AHDC1: variants seen among roughly 807,000 people sequenced by gnomAD.
AHDC1 encodes AT-hook DNA binding motif containing 1.
In AHDC1, 7 loss-of-function variants were observed where a neutral mutation model predicts 87.9. The observed-to-expected ratio is 0.08, with a 90% CI of 0.05 to 0.15. The LOEUF (loss-of-function observed/expected upper bound fraction) is 0.15. AHDC1 is among the 10% of genes least tolerant of loss of function. The pLI is 1.00. For synonymous variants in AHDC1, 1,051 were observed against 1,006.8 expected, an observed-to-expected ratio of 1.04 and a Z score of -0.83; for missense variants, 1,841 against 2,253.2, an observed-to-expected ratio of 0.82 and a Z score of 3.70.
intron 3 of AHDC1, among the ~76,000 whole-genome samples, chr1:27,574,819 A>G (rs996485012): frequency 6.6e-6 from 1 of 152,182 alleles, no homozygotes; most frequent in East Asian, 1.9e-4. Flanking sequence ...CCCAAGCCAT[A>G]GTGCCAAGAG....
intron 7 of AHDC1, 166 bp downstream of exon 7, chr1:27,552,726 T>C (rs894167333): frequency 6.6e-5 from 10 of 152,580 alleles, no homozygotes; most frequent in African/African-American, 2.4e-4. Flanking sequence ...CTCATCCCCT[T>C]TGGGAATCTG....
Position 27,551,494 on chromosome 1 carries a change from G to A in AHDC1, c.622C>T (p.Pro208Ser). ...GGACTATGGCCTTGGCCAGGCTGGG[G>A]ACTGTCCCTAGGCTCAGGCTCAGGC... ...YEPEPEPRDS[P>S]QPGQGHSPGA... The change falls in exon 8 of 9, where the codon CCC becomes TCC. Residue 208 changes from proline to serine, a missense_variant. By Grantham distance (74) the Pro-to-Ser change is moderately conservative. Around this residue, in one of 13 missense-constraint regions of AHDC1, gnomAD observed 370 missense variants for 391.5 expected, o/e 0.95. Transcript: ENST00000673934. 6.2e-7 allele frequency: 1 copy of A among 1,607,192 alleles called. No individual in the cohort carries two copies.
intron 3 of AHDC1, among the ~76,000 whole-genome samples, chr1:27,566,300 G>A (rs1293465989): frequency 6.6e-6 from 1 of 152,028 alleles, no homozygotes; most frequent in Non-Finnish European, 1.5e-5. Context: ...TGGAGGGAGG[G>A]GGCGAGAGCC....
Position 27,584,421 on chromosome 1 carries a change from G to A in AHDC1, c.-629+18976C>T, listed in dbSNP as rs915193905. 3.9e-5 allele frequency among the ~76,000 whole-genome samples: 6 copies of A among 152,318 alleles called. No homozygotes were observed. The East Asian group carries it at 7.7e-4, about 20-fold the overall frequency. ...ATGCCATTATTATTTCCCCTCAACA[G>A]GTGAGGAAACTGAGGCTCAGAGAGG... On this transcript the variant is annotated intron_variant, in intron 3 of 8. Coordinates refer to ENST00000673934, the MANE Select transcript of AHDC1 (RefSeq NM_001371928.1).
chr1:27,538,304 G>A (rs544131673), intron 8 of AHDC1, among the ~76,000 whole-genome samples: 88 of 150,176 alleles, frequency 5.9e-4, no homozygotes, highest in African/African-American at 2.0e-3. Context: ...TCGGGAGGCC[G>A]AGGCATGAGA....
intron 3 of AHDC1, among the ~76,000 whole-genome samples, chr1:27,579,044 CTT>C (rs367554284): frequency 4.1e-4 from 54 of 133,192 alleles, no homozygotes; most frequent in Admixed American, 5.3e-4. Flanking sequence ...TGTTCTAAAT[CTT>C]TTTTTTTTTT....
intron 3 of AHDC1, among the ~76,000 whole-genome samples, chr1:27,580,624 C>A (rs1348093953): frequency 6.6e-6 from 1 of 152,206 alleles, no homozygotes; most frequent in Non-Finnish European, 1.5e-5. Flanking sequence ...TCTCTCTAGG[C>A]CTCCTCAGTT....
intron 8 of AHDC1, among the ~76,000 whole-genome samples, chr1:27,539,665 C>T (rs1396080223): frequency 2.0e-5 from 3 of 151,250 alleles, no homozygotes; most frequent in East Asian, 3.9e-4. Context: ...AGGCTGGTCT[C>T]GAACTCCTGA....
intron 5 of AHDC1, among the ~76,000 whole-genome samples, chr1:27,556,992 C>T (rs1333373684): frequency 2.0e-5 from 3 of 149,804 alleles, no homozygotes; most frequent in East Asian, 2.0e-4. Flanking sequence ...AGGGCCCCCC[C>T]ACAGCACAGC....
chr1:27,570,120 G>A (rs996274222), intron 3 of AHDC1, among the ~76,000 whole-genome samples: 23 of 151,810 alleles, frequency 1.5e-4, no homozygotes, highest in Non-Finnish European at 2.4e-4. Flanking sequence ...AGCTGGGCAT[G>A]CCAACCTTTC....
chr1:27,545,772 G>C (rs767413393), intron 8 of AHDC1, among the ~76,000 whole-genome samples: 1 of 151,402 alleles, frequency 6.6e-6, no homozygotes, highest in Admixed American at 6.6e-5. Context: ...TTGCTTCATT[G>C]TCTCTGCCAT....
chr1:27,580,899 A>AT (rs927116927), intron 3 of AHDC1, among the ~76,000 whole-genome samples: 4 of 151,848 alleles, frequency 2.6e-5, no homozygotes, highest in Non-Finnish European at 5.9e-5. Context: ...CAGTGGTGCC[A>AT]TCTCAGCTCA....
intron 3 of AHDC1, among the ~76,000 whole-genome samples, chr1:27,584,005 G>A (rs1296816550): frequency 1.3e-5 from 2 of 152,196 alleles, no homozygotes; most frequent in South Asian, 2.1e-4. Context: ...TGCAGTGACT[G>A]GAAACATGTC....
chr1:27,559,324 G>A lies in AHDC1; in HGVS notation c.-628-441C>T, dbSNP rs927743900. On this transcript the variant is annotated intron_variant, in intron 3 of 8. Transcript: ENST00000673934. ...TCCAGCCTCAGCCTCCCAAAGTGCT[G>A]GGATTGCAGGTATGAGCCACTGCAC... 7.9e-5 allele frequency among the ~76,000 whole-genome samples: 12 copies of A among 152,152 alleles called. 1 individual carries two copies. The highest frequency in any genetic ancestry group is 7.2e-4 in the Admixed American group (11 of 15,268).
Position 27,588,180 on chromosome 1 carries a change from C to T in AHDC1, c.-629+15217G>A, listed in dbSNP as rs111804593. ...CAGCATAACACACTTGATTCACTTT[C>T]AGGCTTTGCATATGCTATTCCCACT... On this transcript the variant is annotated intron_variant, in intron 3 of 8. Transcript: ENST00000673934. Among the ~76,000 whole-genome samples, 331 of 152,340 alleles carry T rather than the reference C, an allele frequency of 2.2e-3. 2 individuals carry two copies. The highest frequency in any genetic ancestry group is 7.7e-3 in the African/African-American group (321 of 41,576).
At chr1:27,564,074 C>T (rs571371380) in intron 3 of AHDC1, among the ~76,000 whole-genome samples, 1 of 152,256 alleles carries the variant, frequency 6.6e-6, no homozygotes, top group South Asian at 2.1e-4. Context: ...GCCCTTCTTC[C>T]TTACAAAGGC....
intron 3 of AHDC1, among the ~76,000 whole-genome samples, chr1:27,573,806 G>C (rs992493381): frequency 6.6e-6 from 1 of 152,228 alleles, no homozygotes; most frequent in Non-Finnish European, 1.5e-5. Context: ...TGAGTAAAGA[G>C]GTGTTCTGCC....
Position 27,548,122 on chromosome 1 carries a change from C to G in AHDC1, c.3994G>C (p.Ala1332Pro). The G allele has an allele frequency of 6.2e-7, 1 of 1,613,958 alleles. No homozygotes were observed. The highest frequency in any genetic ancestry group is 1.1e-5 in the South Asian group (1 of 91,090). ...GGGTCTCGCTCTCCCACGCCGAAGG[C>G]CCTCGACTGTGAGGGCAGTGGTGAC... ...SMSPLPSQSRAFGVGERDPCD... is the reference protein window; with the variant it reads ...SMSPLPSQSRPFGVGERDPCD... The change falls in exon 8 of 9, where the codon GCC becomes CCC. Residue 1332 changes from alanine to proline, a missense_variant. This residue lies in a region of AHDC1 where 505 missense variants were observed against 626.2 expected (regional missense o/e 0.81). Transcript: ENST00000673934.
intron 3 of AHDC1, among the ~76,000 whole-genome samples, chr1:27,583,755 T>G (rs60872422): frequency 2.0e-5 from 3 of 152,184 alleles, no homozygotes; most frequent in African/African-American, 7.2e-5. Context: ...CTGTACCTCT[T>G]TGAACCCGAT....
Sources: allele counts gnomAD v4.1 joint callset (sites outside exome capture counted in the v4.1 genomes callset), GRCh38; gene constraint gnomAD v4.1.1; regional missense constraint gnomAD v4.1.1; transcripts MANE v1.5; gene names NCBI Gene and HGNC (gene_info 2026-07-23, HGNC 2026-07-21).